COL6A2: variants seen among roughly 807,000 people sequenced by gnomAD.
The protein encoded by COL6A2 is collagen type VI alpha 2 chain.
COL6A2 carries 90 observed loss-of-function variants against 124.9 expected under a neutral mutation model. The ratio of observed to expected loss-of-function variants is 0.72; its 90% CI spans 0.61 to 0.86. The LOEUF (loss-of-function observed/expected upper bound fraction) is 0.86, where lower values mean the gene tolerates loss of function less well. Among genes scored for constraint, COL6A2 ranks in the 40% least tolerant of loss-of-function variants. The probability of loss-of-function intolerance (pLI) is 0.00; values close to 1 mark genes in which losing one functional copy is unlikely to be tolerated. For missense variants in COL6A2, 1,607 were observed against 1,502.5 expected, an observed-to-expected ratio of 1.07 and a Z score of -1.15; for synonymous variants, 793 against 618.2, an observed-to-expected ratio of 1.28 and a Z score of -4.19.
rs1053852067 is a variant in COL6A2 at position 46,119,010 on chromosome 21, G to A, written c.1180-20G>A. On this transcript the variant is annotated intron_variant, in intron 13 of 27. Coordinates refer to ENST00000300527, the MANE Select transcript of COL6A2 (RefSeq NM_001849.4). ...AGGGCCCCTGCCTCTGGGTGACTGT[G>A]CTGTCCTCTCCTTCTTCAGGGGTAT... 2 of 1,574,116 alleles carry A rather than the reference G, an allele frequency of 1.3e-6. No homozygotes were observed. The highest frequency in any genetic ancestry group is 1.7e-5 in the Admixed American group (1 of 59,878).
At chr21:46,123,150 C>G (rs1258800530) in intron 21 of COL6A2, among the ~76,000 whole-genome samples, 3 of 138,532 alleles carry the variant, frequency 2.2e-5, no homozygotes, top group Non-Finnish European at 4.7e-5. Context: ...AGTGACCCCC[C>G]AACATCCCCC....
At chr21:46,121,173 TC>T (rs2078560434) in intron 17 of COL6A2, 50 bp downstream of exon 17, 2 of 1,556,430 alleles carry the variant, frequency 1.3e-6, no homozygotes, top group Non-Finnish European at 1.8e-6. Flanking sequence ...CGGGTGGGTC[TC>T]CCCTATCCAT....
In COL6A2 at chr21:46,117,861, A is replaced by G; in HGVS notation, c.1054-13A>G. ...CGCCGTGTGCCGAGCTCCACCTCTC[A>G]CTCCTCTCTCAGGGCCCCGACGGTT... is the stretch of plus-strand genomic sequence containing the variant. On this transcript the variant is annotated splice_polypyrimidine_tract_variant and intron_variant, in intron 11 of 27. Transcript: ENST00000300527. The G allele has an allele frequency of 1.9e-6, 3 of 1,607,492 alleles. No individual in the cohort carries two copies. Among genetic ancestry groups the G allele is most frequent in the African/African-American group, 1.3e-5 (1 of 74,776 alleles).
At chr21:46,126,894 T>G (rs16978880) in intron 27 of COL6A2, among the ~76,000 whole-genome samples, 3,864 of 152,200 alleles carry the variant, frequency 0.025, 162 homozygotes, top group African/African-American at 0.089. Context: ...CATGTGCCAC[T>G]CGGAGGAAGC....
At chr21:46,129,913 C>A (rs979853499) in intron 27 of COL6A2, 2 of 922,554 alleles carry the variant, frequency 2.2e-6, no homozygotes, top group South Asian at 4.7e-5. Context: ...GGCTGCCGTG[C>A]GTCTGGGATG....
intron 1 of COL6A2, among the ~76,000 whole-genome samples, chr21:46,100,932 GAT>G (rs894563767): frequency 2.0e-5 from 3 of 152,182 alleles, no homozygotes; most frequent in African/African-American, 7.2e-5. Flanking sequence ...TGGAAATGTG[GAT>G]CATTTGATTT....
At chr21:46,129,111 G>A in intron 27 of COL6A2, 5 of 1,605,814 alleles carry the variant, frequency 3.1e-6, no homozygotes, top group Non-Finnish European at 2.5e-6. Context: ...CTTCACTCTG[G>A]CCTCGCTGAG....
chr21:46,115,764 G>C, intron 5 of COL6A2, 108 bp from the exon 6 acceptor site: 1 of 980,234 alleles, frequency 1.0e-6, no homozygotes, highest in Non-Finnish European at 1.6e-6. Flanking sequence ...TTGGGCAGGG[G>C]AATCAGTAAC....
chr21:46,117,196 G>A lies in COL6A2; in HGVS notation c.1000-204G>A, dbSNP rs116587649. On this transcript the variant is annotated intron_variant, in intron 10 of 27. Coordinates refer to ENST00000300527, the MANE Select transcript of COL6A2 (RefSeq NM_001849.4). ...CCTCAGGGCCTCTGGGAGGCAGCCA[G>A]GGATGGCCTGTTCCTGCACAACGGC... Among the ~76,000 whole-genome samples, 261 of 152,358 alleles carry A rather than the reference G, an allele frequency of 1.7e-3. 1 individual carries two copies. Among genetic ancestry groups the A allele is most frequent in the African/African-American group, 6.1e-3 (252 of 41,590 alleles).
intron 1 of COL6A2, among the ~76,000 whole-genome samples, chr21:46,110,494 CT>C (rs1403482952): frequency 1.3e-5 from 2 of 152,210 alleles, no homozygotes; most frequent in African/African-American, 4.8e-5. Context: ...GAGCTGGCAC[CT>C]TTGGGAACGG....
Position 46,122,942 on chromosome 21 carries a change from G to A in COL6A2, c.1671+5G>A, listed in dbSNP as rs2078589980. On this transcript the variant is annotated splice_donor_5th_base_variant and intron_variant, in intron 21 of 27. Coordinates refer to ENST00000300527, the MANE Select transcript of COL6A2 (RefSeq NM_001849.4). ...AAAGGAGAGAAAGGAGAGCCTGTGAGTGTCACCGTCCCGAAGCCCACAGCA... is the reference window on the plus strand; with the variant it reads ...AAAGGAGAGAAAGGAGAGCCTGTGAATGTCACCGTCCCGAAGCCCACAGCA... 4 of 1,613,024 alleles carry A rather than the reference G, an allele frequency of 2.5e-6. No homozygotes were observed. The highest frequency in any genetic ancestry group is 3.4e-6 in the Non-Finnish European group (4 of 1,179,898).
At position 46,120,963 on chromosome 21, in the gene COL6A2, T is replaced by C; in HGVS notation, c.1396-98T>C. The stretch of plus-strand genomic sequence containing the variant: ...ATAGGGGCCGGGGCCAGACCCGTCT[T>C]ACCCCCGAGGCCCTGCAGTGTCCAC... On this transcript the variant is annotated intron_variant, in intron 16 of 27. Transcript: ENST00000300527. 3 of 1,182,810 alleles carry C rather than the reference T, an allele frequency of 2.5e-6. No individual in the cohort carries two copies. The South Asian group carries it at 3.7e-5, about 15-fold the overall frequency. The allele number at this position is 1,182,810 out of a possible 1,614,324, so 73.3% of individuals were successfully genotyped here.
At chr21:46,104,409 A>G (rs2078316593) in intron 1 of COL6A2, among the ~76,000 whole-genome samples, 1 of 152,220 alleles carries the variant, frequency 6.6e-6, no homozygotes, top group East Asian at 1.9e-4. Flanking sequence ...TCACTAGAGA[A>G]ATGCAAAGGC....
rs530814234 is a variant in COL6A2, at chr21:46,109,442, C to T, written c.-27-2008C>T. 3.3e-3 allele frequency among the ~76,000 whole-genome samples: 508 copies of T among 152,326 alleles called. 3 individuals are homozygous for T. Among genetic ancestry groups the T allele is most frequent in the African/African-American group, 0.011 (462 of 41,576 alleles). On this transcript the variant is annotated intron_variant, in intron 1 of 27. Coordinates refer to ENST00000300527, the MANE Select transcript of COL6A2 (RefSeq NM_001849.4). ...CCTCTGGTCCGTAGGACGGGCAACCCGGCCCCCAGGCTTCAGGCCTGCCCC... is the reference window on the plus strand; with the variant it reads ...CCTCTGGTCCGTAGGACGGGCAACCTGGCCCCCAGGCTTCAGGCCTGCCCC...
chr21:46,105,824 A>G (rs1446472338), intron 1 of COL6A2, among the ~76,000 whole-genome samples: 2 of 152,244 alleles, frequency 1.3e-5, no homozygotes, highest in South Asian at 2.1e-4. Flanking sequence ...AAAAAAATCC[A>G]TAAGGTATAC....
Position 46,132,401 on chromosome 21 carries a change from T to A in COL6A2, c.2909T>A (p.Val970Glu), listed in dbSNP as rs1360530337. ...SAHSMRKQNV[V>E]PTVLALGSDV... ...CACTCCATGCGCAAGCAGAACGTGG[T>A]ACCCACCGTGCTGGCCTTGGGCAGC... The change falls in exon 28 of 28, where the codon GTA (valine) becomes GAA (glutamate). Residue 970 changes from valine (V) to glutamate (E), a missense_variant. Transcript: ENST00000300527. 6.2e-7 allele frequency: 1 copy of A among 1,609,280 alleles called. No individual in the cohort carries two copies. Among genetic ancestry groups the A allele is most frequent in the Admixed American group, 1.7e-5 (1 of 59,972 alleles).
At chr21:46,120,905 G>C (rs1205178909) in intron 16 of COL6A2, among the ~76,000 whole-genome samples, 156 bp from the exon 17 acceptor site, 2 of 152,166 alleles carry the variant, frequency 1.3e-5, no homozygotes, top group Non-Finnish European at 2.9e-5. Context: ...CAGGGCTGAA[G>C]GTCAAGTGGA....
At chr21:46,120,372 C>A (rs545924386) in intron 15 of COL6A2, 143 bp from the exon 16 acceptor site, 21 of 666,518 alleles carry the variant, frequency 3.2e-5, no homozygotes, top group South Asian at 5.7e-5. Flanking sequence ...GTGAAACAGG[C>A]GACTGTTGCA....
intron 18 of COL6A2, 69 bp from the exon 19 acceptor site, chr21:46,122,039 T>G: frequency 6.5e-7 from 1 of 1,534,082 alleles, no homozygotes; most frequent in Non-Finnish European, 9.0e-7. Context: ...CCTTGCGCCC[T>G]GTTGAGCACA....
Sources: allele counts gnomAD v4.1 joint callset (sites outside exome capture counted in the v4.1 genomes callset), GRCh38; gene constraint gnomAD v4.1.1; transcripts MANE v1.5; gene names NCBI Gene and HGNC (gene_info 2026-07-23, HGNC 2026-07-21).